Variants in PTPRN2 observed in about 807,000 individuals in gnomAD.
The protein encoded by PTPRN2 is protein tyrosine phosphatase receptor type N2, also known as receptor-type tyrosine-protein phosphatase N2.
A neutral mutation model predicts 118.8 loss-of-function variants in PTPRN2; 74 were observed. The ratio of observed to expected loss-of-function variants is 0.62; its 90% confidence interval spans 0.52 to 0.76. PTPRN2 has a LOEUF of 0.76. Ranked by LOEUF, PTPRN2 falls within the 30% of genes least tolerant of loss-of-function variation. The pLI is 0.00. For missense variants in PTPRN2, 1,481 were observed against 1,394.4 expected (o/e 1.06, Z -0.99); for synonymous variants, 641 against 608.0 (o/e 1.05, Z -0.80).
intron 2 of PTPRN2, among the ~76,000 whole-genome samples, chr7:158,333,520 T>G (rs1804926109): frequency 6.8e-6 from 1 of 147,898 alleles, no homozygotes; most frequent in Non-Finnish European, 1.5e-5. Flanking sequence ...ACTCTCACCA[T>G]AAGACCTGAC....
intron 12 of PTPRN2, among the ~76,000 whole-genome samples, chr7:157,832,125 C>T (rs576939837): frequency 7.2e-5 from 11 of 152,296 alleles, no homozygotes; most frequent in South Asian, 2.1e-4. Context: ...AGAGGTGGCA[C>T]CAAGGCTGTG....
chr7:158,053,802 AC>A (rs1222512039), intron 11 of PTPRN2, among the ~76,000 whole-genome samples: 49 of 149,872 alleles, frequency 3.3e-4, no homozygotes, highest in Non-Finnish European at 5.8e-4. Context: ...AGACGCAGAG[AC>A]TCCAGAGAGG....
intron 12 of PTPRN2, among the ~76,000 whole-genome samples, chr7:157,791,734 C>A (rs961249786): frequency 1.3e-5 from 2 of 152,226 alleles, no homozygotes; most frequent in Admixed American, 6.5e-5. Flanking sequence ...CTTTGAACAT[C>A]AAAAATGCTT....
chr7:157,847,237 C>G (rs368359936), intron 12 of PTPRN2, among the ~76,000 whole-genome samples: 1 of 123,906 alleles, frequency 8.1e-6, no homozygotes, highest in Non-Finnish European at 1.7e-5. Context: ...CATGTGTGCC[C>G]GATGTTTACA....
At chr7:157,728,547 A>G (rs955926914) in intron 12 of PTPRN2, among the ~76,000 whole-genome samples, 2 of 152,212 alleles carry the variant, frequency 1.3e-5, no homozygotes, top group Non-Finnish European at 2.9e-5. Context: ...TTAGAAATAC[A>G]AAGTCTTAAA....
intron 12 of PTPRN2, among the ~76,000 whole-genome samples, chr7:157,774,511 G>A (rs1803073175): frequency 6.6e-6 from 1 of 152,262 alleles, no homozygotes; most frequent in African/African-American, 2.4e-5. Context: ...GTGAGTTTAA[G>A]AAAATGGTAA....
chr7:157,700,558 C>A (rs932798396), intron 12 of PTPRN2, among the ~76,000 whole-genome samples: 3 of 152,196 alleles, frequency 2.0e-5, no homozygotes, highest in Admixed American at 2.0e-4. Flanking sequence ...TATTCCCCAT[C>A]CCCCTATGCT....
intron 11 of PTPRN2, among the ~76,000 whole-genome samples, chr7:158,047,507 A>G (rs755629642): frequency 2.5e-4 from 38 of 151,422 alleles, no homozygotes; most frequent in Middle Eastern, 3.5e-3. Context: ...GTCACTGAGC[A>G]TGTGAGGGCT....
At position 158,228,851 on chromosome 7, in the gene PTPRN2, C is replaced by T. The variant is rs73746435; in HGVS notation, c.278-23578G>A. Reference sequence around the variant, plus strand: ...TGTTCCTGCTTCAACCCATGGGAAGCGCTGCAAATGTGTGAAGGGAAACAT... The same window carrying T: ...TGTTCCTGCTTCAACCCATGGGAAGTGCTGCAAATGTGTGAAGGGAAACAT... On this transcript the variant is annotated intron_variant, in intron 3 of 22. Coordinates refer to ENST00000389418, the MANE Select transcript of PTPRN2 (RefSeq NM_002847.5). Among the ~76,000 whole-genome samples, 1,086 of 152,106 alleles carry T rather than the reference C, an allele frequency of 7.1e-3. 20 individuals are homozygous for T. Among genetic ancestry groups the T allele is most frequent in the African/African-American group, 0.024 (982 of 41,500 alleles).
rs1818861850 is a variant in PTPRN2 at position 158,136,782 on chromosome 7, C to A, written c.1133-87G>T. ...ACATAAAAAGGGTGACCCTGCAGAC[C>A]CCTCCATACGAAAGGTGAGGTGTGA... On this transcript the variant is annotated intron_variant, in intron 7 of 22. Transcript: ENST00000389418. The A allele has an allele frequency of 4.8e-6, 6 of 1,262,622 alleles. No homozygotes were observed. In the Admixed American group the frequency reaches 1.1e-4, roughly 22 times the overall value. The allele number at this position is 1,262,622 out of a possible 1,614,324, so 78.2% of individuals were successfully genotyped here.
chr7:158,177,984 A>G (rs567401532), intron 5 of PTPRN2, among the ~76,000 whole-genome samples: 20 of 152,232 alleles, frequency 1.3e-4, no homozygotes, highest in Non-Finnish European at 2.5e-4. Flanking sequence ...CACTGGTGGC[A>G]TATGAGAGGT....
chr7:157,697,993 G>T (rs1413950979), intron 12 of PTPRN2, among the ~76,000 whole-genome samples: 4 of 152,084 alleles, frequency 2.6e-5, no homozygotes, highest in Admixed American at 6.5e-5. Flanking sequence ...ATCTACCCAT[G>T]CATACTGGGT....
At chr7:158,471,530 A>G (rs1243813061) in intron 2 of PTPRN2, among the ~76,000 whole-genome samples, 1 of 152,160 alleles carries the variant, frequency 6.6e-6, no homozygotes, top group Admixed American at 6.5e-5. Context: ...TCTACTAAAA[A>G]TACAAAAATT....
chr7:158,191,958 C>T (rs1825803408), intron 5 of PTPRN2, among the ~76,000 whole-genome samples: 1 of 152,196 alleles, frequency 6.6e-6, no homozygotes, highest in African/African-American at 2.4e-5. Context: ...CTACCTCAGT[C>T]AGGTTTCAGT....
At chr7:158,212,251 G>T (rs988960907) in intron 3 of PTPRN2, among the ~76,000 whole-genome samples, 3 of 151,866 alleles carry the variant, frequency 2.0e-5, no homozygotes, top group Non-Finnish European at 4.4e-5. Flanking sequence ...GGGGGCGGGG[G>T]GCAAGTGGGA....
intron 3 of PTPRN2, among the ~76,000 whole-genome samples, chr7:158,259,938 T>G (rs1381393920): frequency 6.9e-6 from 1 of 145,112 alleles, no homozygotes; most frequent in African/African-American, 2.7e-5. Flanking sequence ...TCCATGTGTC[T>G]CTGGTATACA....
chr7:158,463,129 G>A (rs1819122171), intron 2 of PTPRN2, among the ~76,000 whole-genome samples: 1 of 152,196 alleles, frequency 6.6e-6, no homozygotes, highest in Non-Finnish European at 1.5e-5. Flanking sequence ...ATCTGGATCT[G>A]TGTACTTTTA....
chr7:158,068,709 T>C (rs1334657954), intron 11 of PTPRN2, among the ~76,000 whole-genome samples: 1 of 152,168 alleles, frequency 6.6e-6, no homozygotes, highest in Admixed American at 6.5e-5. Flanking sequence ...CAGCATTCAT[T>C]GGGGGATGTC....
At chr7:158,225,915 G>A (rs114730739) in intron 3 of PTPRN2, among the ~76,000 whole-genome samples, 9 of 133,688 alleles carry the variant, frequency 6.7e-5, no homozygotes, top group Non-Finnish European at 1.2e-4. Flanking sequence ...AGGAACAGAG[G>A]GAGGGGAGTT....
Sources: gnomAD v4.1 joint callset for allele counts (sites outside exome capture counted in the v4.1 genomes callset) on GRCh38, gnomAD v4.1.1 for gene constraint, MANE v1.5 for transcripts, NCBI Gene and HGNC (gene_info 2026-07-23, HGNC 2026-07-21) for gene names.